MYO10: variants seen among roughly 807,000 people sequenced by gnomAD.
MYO10 encodes myosin X.
Under a neutral mutation model 257.3 loss-of-function variants are expected in MYO10, and 133 were observed. The ratio of observed to expected loss-of-function variants is 0.52; its 90% CI spans 0.45 to 0.60. The LOEUF (loss-of-function observed/expected upper bound fraction) is 0.60, where lower values mean the gene tolerates loss of function less well. Among genes scored for constraint, MYO10 ranks in the 20% least tolerant of loss-of-function variants. MYO10 has a pLI of 0.00. For synonymous variants in MYO10, 1,104 were observed against 1,028.6 expected, an observed-to-expected ratio of 1.07 and a Z score of -1.40; for missense variants, 2,399 against 2,635.7, an observed-to-expected ratio of 0.91 and a Z score of 1.97.
At position 16,670,648 on chromosome 5, in the gene MYO10, G is replaced by A. The variant is rs147905272; in HGVS notation, c.5761C>T (p.Arg1921Ter). Reference protein sequence around the residue: ...MWIKEEVSSARASIIDKWRKF... With the variant: ...MWIKEEVSSA The stretch of plus-strand genomic sequence containing the variant: ...CTCCACTTGTCAATGATACTGGCTC[G>A]AGCAGAGGAGACTTCTTCCTTAATC... Residue 1921 changes from arginine to a stop codon, truncating the protein, a stop_gained, in exon 39 of 41, where the codon CGA (arginine) becomes TGA (stop). Coordinates refer to ENST00000513610, the MANE Select transcript of MYO10 (RefSeq NM_012334.3). LOFTEE classifies it high-confidence loss of function. 5 of 1,613,958 alleles carry A rather than the reference G, an allele frequency of 3.1e-6. No individual in the cohort carries two copies. Among genetic ancestry groups the A allele is most frequent in the African/African-American group, 1.3e-5 (1 of 75,036 alleles).
At chr5:16,883,128 G>A (rs1465026355) in intron 1 of MYO10, among the ~76,000 whole-genome samples, 1 of 151,970 alleles carries the variant, frequency 6.6e-6, no homozygotes, top group Non-Finnish European at 1.5e-5. Flanking sequence ...TGTTAGCCAG[G>A]ATGGTCTTGA....
intron 2 of MYO10, among the ~76,000 whole-genome samples, chr5:16,842,420 A>G (rs1342139391): frequency 6.6e-6 from 1 of 152,154 alleles, no homozygotes; most frequent in African/African-American, 2.4e-5. Context: ...GGCTCCAGGC[A>G]GAGGGAGCCC....
At chr5:16,922,160 G>A (rs180930751) in intron 1 of MYO10, among the ~76,000 whole-genome samples, 1 of 151,516 alleles carries the variant, frequency 6.6e-6, no homozygotes, top group East Asian at 2.0e-4. Flanking sequence ...GCTGCAGTGA[G>A]CCAAGATCCC....
intron 26 of MYO10, among the ~76,000 whole-genome samples, chr5:16,697,247 A>C (rs933299045): frequency 1.3e-5 from 2 of 152,182 alleles, no homozygotes; most frequent in Non-Finnish European, 1.5e-5. Flanking sequence ...ATGTTTTCTA[A>C]GAGGAGCAGG....
chr5:16,771,487 G>A (rs954885821), intron 9 of MYO10, among the ~76,000 whole-genome samples: 13 of 150,584 alleles, frequency 8.6e-5, no homozygotes, highest in Middle Eastern at 3.5e-3. Context: ...TCTCAGGGTC[G>A]CACAACCAAA....
chr5:16,808,435 T>A (rs919431719), intron 3 of MYO10, among the ~76,000 whole-genome samples: 1 of 152,144 alleles, frequency 6.6e-6, no homozygotes, highest in Non-Finnish European at 1.5e-5. Flanking sequence ...ATCGCACCAC[T>A]ACACTCCAGC....
intron 21 of MYO10, among the ~76,000 whole-genome samples, chr5:16,706,667 TCTC>T (rs1354336058): frequency 1.3e-5 from 2 of 152,202 alleles, no homozygotes; most frequent in East Asian, 1.9e-4. Flanking sequence ...ACAAAGGTCT[TCTC>T]CACCATTGGA....
At chr5:16,792,140 G>C (rs62369315) in intron 4 of MYO10, among the ~76,000 whole-genome samples, 18 of 94,842 alleles carry the variant, frequency 1.9e-4, no homozygotes, top group Admixed American at 3.4e-4. Context: ...CACAGAGAGA[G>C]AGAGAGAGAG....
chr5:16,869,485 A>G (rs953057167), intron 2 of MYO10, among the ~76,000 whole-genome samples: 1 of 152,096 alleles, frequency 6.6e-6, no homozygotes, highest in African/African-American at 2.4e-5. Flanking sequence ...CTGAGACAGA[A>G]GGATCACTCA....
chr5:16,926,646 G>A (rs2625183), intron 1 of MYO10, among the ~76,000 whole-genome samples: 68,117 of 151,138 alleles, frequency 0.45, 15,688 homozygotes, highest in African/African-American at 0.53. Context: ...AGGTTGCAGT[G>A]AGCCAAAATT....
rs1244470235 is a variant in MYO10, at chr5:16,936,178, C to T, written c.-370G>A. ...GCGCTCCGGCCGGGGGCCCTCGGGG[C>T]GGGCAGGAGGACAGCGGGCCGCAAA... On this transcript the variant is annotated 5_prime_UTR_variant, in exon 1 of 41. Transcript: ENST00000513610. 1.1e-5 allele frequency: 3 copies of T among 279,856 alleles called. No individual in the cohort carries two copies. The highest frequency in any genetic ancestry group is 4.6e-5 in the South Asian group (1 of 21,914). 17.3% of individuals were successfully genotyped at this position (279,856 alleles called of 1,614,324 possible).
At chr5:16,718,001 C>A (rs969446807) in intron 19 of MYO10, among the ~76,000 whole-genome samples, 2 of 152,216 alleles carry the variant, frequency 1.3e-5, no homozygotes, top group Admixed American at 1.3e-4. Flanking sequence ...TGCGGGCCAG[C>A]TGGAGTTGCG....
chr5:16,747,641 G>A (rs937145513), intron 19 of MYO10, among the ~76,000 whole-genome samples: 2 of 152,158 alleles, frequency 1.3e-5, no homozygotes, highest in African/African-American at 2.4e-5. Context: ...GATAGAGGCT[G>A]GACGCGGTGG....
intron 2 of MYO10, among the ~76,000 whole-genome samples, chr5:16,853,219 A>AC (rs1449922723): frequency 6.6e-6 from 1 of 152,002 alleles, no homozygotes; most frequent in Non-Finnish European, 1.5e-5. Context: ...AAATACAAAA[A>AC]AAAAATTAGC....
intron 2 of MYO10, among the ~76,000 whole-genome samples, chr5:16,853,345 G>T (rs1743866522): frequency 6.6e-6 from 1 of 151,184 alleles, no homozygotes; most frequent in South Asian, 2.1e-4. Flanking sequence ...CTGCACTCCA[G>T]CCTGGGCGAC....
chr5:16,867,629 A>G (rs2126752311), intron 2 of MYO10, among the ~76,000 whole-genome samples: 2 of 152,354 alleles, frequency 1.3e-5, no homozygotes, highest in South Asian at 4.1e-4. Flanking sequence ...AACCAAAACC[A>G]GAGAGTCAAA....
intron 2 of MYO10, among the ~76,000 whole-genome samples, chr5:16,836,091 A>C (rs1000663608): frequency 6.6e-6 from 1 of 152,150 alleles, no homozygotes; most frequent in Non-Finnish European, 1.5e-5. Flanking sequence ...CCTAAGAACA[A>C]AGTTTAGGAG....
chr5:16,725,599 C>CAA (rs1739332923), intron 19 of MYO10, among the ~76,000 whole-genome samples: 1 of 152,130 alleles, frequency 6.6e-6, no homozygotes. Context: ...GTGGGAAATG[C>CAA]TCTCAGCTAA....
Position 16,794,826 on chromosome 5 carries a change from A to G in MYO10, c.287T>C (p.Ile96Thr). 6 of 1,532,432 alleles carry G rather than the reference A, an allele frequency of 3.9e-6. No homozygotes were observed. Among genetic ancestry groups the G allele is most frequent in the Non-Finnish European group, 5.3e-6 (6 of 1,136,110 alleles). 94.9% of individuals were successfully genotyped at this position (1,532,432 alleles called of 1,614,324 possible). A position where few individuals can be genotyped will look rare whatever the true frequency, so the allele number is the denominator to read the frequency against. The stretch of plus-strand genomic sequence containing the variant: ...GTTCACGGAGGCCAGGATGGAGCCG[A>G]TGTAGGTCTGCAAGCACAGAGTGAG... ...RYKRNQIYTY[I>T]GSILASVNPY... is the part of the protein sequence containing the mutation. Residue 96 changes from isoleucine to threonine, a missense_variant, in exon 4 of 41, where the codon ATC becomes ACC. By Grantham distance (89) the Ile-to-Thr change is moderately conservative. This residue lies in a region of MYO10 where 242 missense variants were observed against 249.5 expected (regional missense o/e 0.97). Transcript: ENST00000513610.
Sources: allele counts gnomAD v4.1 joint callset (sites outside exome capture counted in the v4.1 genomes callset), GRCh38; gene constraint gnomAD v4.1.1; regional missense constraint gnomAD v4.1.1; transcripts MANE v1.5; gene names NCBI Gene and HGNC (gene_info 2026-07-23, HGNC 2026-07-21).